The following ZNF740 variants were observed in gnomAD, a reference collection of about 807,000 sequenced individuals.
The protein encoded by ZNF740 is oriLyt TD-element-binding protein 7.
A neutral mutation model predicts 24.8 loss-of-function variants in ZNF740; 14 were observed. The observed-to-expected ratio is 0.56, with a 90% confidence interval of 0.37 to 0.88. ZNF740 has a LOEUF of 0.88. Among genes scored for constraint, ZNF740 ranks in the 40% least tolerant of loss-of-function variants. ZNF740 has a pLI of 0.00. For missense variants in ZNF740, 201 were observed against 247.9 expected (o/e 0.81, Z 1.27); for synonymous variants, 69 against 84.0 (o/e 0.82, Z 0.98).
chr12:53,183,062 C>T (rs1941724305), intron 2 of ZNF740, among the ~76,000 whole-genome samples: 1 of 152,194 alleles, frequency 6.6e-6, no homozygotes, highest in African/African-American at 2.4e-5. Context: ...ATTGGCTTTC[C>T]TCCAGCTGCT....
Position 53,188,472 on chromosome 12 carries a change from G to A in ZNF740, c.*882G>A, listed in dbSNP as rs1480010451. ...TCGCTGCCATTGACTCCTAAAGTGA[G>A]ACAGATGTGTTGAGCAAGGAGTCAT... On this transcript the variant is annotated 3_prime_UTR_variant, in exon 7 of 7. Coordinates refer to ENST00000416904, the MANE Select transcript of ZNF740 (RefSeq NM_001004304.4). The A allele has an allele frequency of 6.5e-6, 1 of 152,672 alleles. No homozygotes were observed. The highest frequency in any genetic ancestry group is 1.9e-4 in the East Asian group (1 of 5,200). The allele number at this position is 152,672 out of a possible 1,614,324, so 9.5% of individuals were successfully genotyped here.
intron 3 of ZNF740, 47 bp downstream of exon 3, chr12:53,185,087 A>G: frequency 1.2e-6 from 2 of 1,609,040 alleles, no homozygotes; most frequent in African/African-American, 1.3e-5. Context: ...GGGTGGCCCA[A>G]GCTCTCTGCC....
In ZNF740 at chr12:53,194,520, A is replaced by T. The variant is rs551678398; in HGVS notation, c.*6930A>T. The stretch of plus-strand genomic sequence containing the variant: ...GAGGGAGGACCCGTGAGAACCTTGC[A>T]TAGAACATACAGGATCCAGAGGCCT... On this transcript the variant is annotated 3_prime_UTR_variant, in exon 7 of 7. Coordinates refer to ENST00000416904, the MANE Select transcript of ZNF740 (RefSeq NM_001004304.4). The T allele has an allele frequency of 6.6e-6, 4 of 606,996 alleles. No homozygotes were observed. Among genetic ancestry groups the T allele is most frequent in the South Asian group, 5.8e-5 (3 of 51,848 alleles). The allele number at this position is 606,996 out of a possible 1,614,324, so 37.6% of individuals were successfully genotyped here. A position where few individuals can be genotyped will look rare whatever the true frequency, so the allele number is the denominator to read the frequency against.
rs1942072940 is a variant in ZNF740 at position 53,194,131 on chromosome 12, C to T, written c.*6541C>T. 9.4e-6 allele frequency: 15 copies of T among 1,603,578 alleles called. No individual in the cohort carries two copies. Among genetic ancestry groups the T allele is most frequent in the Non-Finnish European group, 1.3e-5 (15 of 1,172,528 alleles). ...CCCTGTACCTGCCACCCATCTTTTCCTGCCTGCTTAATTTCCCACTCCCAC... is the reference window on the plus strand; with the variant it reads ...CCCTGTACCTGCCACCCATCTTTTCTTGCCTGCTTAATTTCCCACTCCCAC... On this transcript the variant is annotated 3_prime_UTR_variant, in exon 7 of 7. Coordinates refer to ENST00000416904, the MANE Select transcript of ZNF740 (RefSeq NM_001004304.4).
chr12:53,191,710 G>A lies in ZNF740; in HGVS notation c.*4120G>A, dbSNP rs1196429735. 11 of 1,531,750 alleles carry A rather than the reference G, an allele frequency of 7.2e-6. No individual in the cohort carries two copies. The highest frequency in any genetic ancestry group is 1.4e-5 in the African/African-American group (1 of 73,294). 94.9% of individuals were successfully genotyped at this position (1,531,750 alleles called of 1,614,324 possible). Reference sequence around the variant, plus strand: ...TCCCCTTTCTAGACCTAAGAGGCCAGCCTTGAGCCGAATCCTAGGAGCTGA... The same window carrying A: ...TCCCCTTTCTAGACCTAAGAGGCCAACCTTGAGCCGAATCCTAGGAGCTGA... On this transcript the variant is annotated 3_prime_UTR_variant, in exon 7 of 7. Transcript: ENST00000416904.
intron 2 of ZNF740, among the ~76,000 whole-genome samples, chr12:53,182,989 C>G (rs1941721231): frequency 6.6e-6 from 1 of 152,154 alleles, no homozygotes; most frequent in African/African-American, 2.4e-5. Flanking sequence ...AGAGCTTCTC[C>G]CAGCTTGCTT....
At position 53,192,259 on chromosome 12, in the gene ZNF740, C is replaced by G; in HGVS notation, c.*4669C>G. 6.8e-7 allele frequency: 1 copy of G among 1,480,180 alleles called. No homozygotes were observed. Among genetic ancestry groups the G allele is most frequent in the Non-Finnish European group, 9.4e-7 (1 of 1,064,792 alleles). 91.7% of individuals were successfully genotyped at this position (1,480,180 alleles called of 1,614,324 possible). A position where few individuals can be genotyped will look rare whatever the true frequency, so the allele number is the denominator to read the frequency against. On this transcript the variant is annotated 3_prime_UTR_variant, in exon 7 of 7. Transcript: ENST00000416904. ...CCCCCAGCCTGTTTCCCATTATCTT[C>G]ACTCTGCATCCCCAGAGTTGAGACC...
At position 53,193,059 on chromosome 12, in the gene ZNF740, T is replaced by A; in HGVS notation, c.*5469T>A. The stretch of plus-strand genomic sequence containing the variant: ...CACCGGAATCTTTTGATATTTGCCT[T>A]CCATGCCAGGAGATTCCCAGAGCCT... On this transcript the variant is annotated 3_prime_UTR_variant, in exon 7 of 7. Transcript: ENST00000416904. 1.4e-6 allele frequency: 2 copies of A among 1,423,316 alleles called. No individual in the cohort carries two copies. The highest frequency in any genetic ancestry group is 1.9e-6 in the Non-Finnish European group (2 of 1,030,096). The allele number at this position is 1,423,316 out of a possible 1,614,324, so 88.2% of individuals were successfully genotyped here.
At position 53,189,113 on chromosome 12, in the gene ZNF740, T is replaced by G. The variant is rs1322335439; in HGVS notation, c.*1523T>G. 7.0e-6 allele frequency: 1 copy of G among 143,856 alleles called. No homozygotes were observed. The highest frequency in any genetic ancestry group is 1.5e-5 in the Non-Finnish European group (1 of 65,286). 8.9% of individuals were successfully genotyped at this position (143,856 alleles called of 1,614,324 possible). A position where few individuals can be genotyped will look rare whatever the true frequency, so the allele number is the denominator to read the frequency against. Reference sequence around the variant, plus strand: ...ACAGAAGGGCTTTTGTTTTGGAGGGTTTTTTTTTTTAAGATGAATTCAACA... The same window carrying G: ...ACAGAAGGGCTTTTGTTTTGGAGGGGTTTTTTTTTTAAGATGAATTCAACA... On this transcript the variant is annotated 3_prime_UTR_variant, in exon 7 of 7. Transcript: ENST00000416904.
chr12:53,185,049 C>T lies in ZNF740; in HGVS notation c.159+9C>T, dbSNP rs370175644. The T allele has an allele frequency of 1.1e-5, 18 of 1,613,280 alleles. No individual in the cohort carries two copies. The Admixed American group carries it at 2.5e-4, about 22-fold the overall frequency. On this transcript the variant is annotated intron_variant, in intron 3 of 6. Coordinates refer to ENST00000416904, the MANE Select transcript of ZNF740 (RefSeq NM_001004304.4). ...TGAGGTGCTCGAGTCAGGTACAGCG[C>T]TTGAGTCCATTGTGGCACCTGGGGA...
chr12:53,189,842 A>G lies in ZNF740; in HGVS notation c.*2252A>G, dbSNP rs909731244. ...AAATATTTAGAAAACTATCCTCCCA[A>G]AAATGCTTTTGAAAATGAGAGCCCT... On this transcript the variant is annotated 3_prime_UTR_variant, in exon 7 of 7. Coordinates refer to ENST00000416904, the MANE Select transcript of ZNF740 (RefSeq NM_001004304.4). 6.6e-6 allele frequency: 1 copy of G among 152,178 alleles called. No homozygotes were observed. Among genetic ancestry groups the G allele is most frequent in the Admixed American group, 6.6e-5 (1 of 15,266 alleles). 9.4% of individuals were successfully genotyped at this position (152,178 alleles called of 1,614,324 possible).
rs563029908 is a variant in ZNF740, at chr12:53,195,088, A to G, written c.*7498A>G. 3.9e-5 allele frequency: 17 copies of G among 439,938 alleles called. No individual in the cohort carries two copies. In the South Asian group the frequency reaches 4.6e-4, roughly 12 times the overall value. The allele number at this position is 439,938 out of a possible 1,614,324, so 27.3% of individuals were successfully genotyped here. ...AGGGTTAAATGAAGTAGCAAACAGT[A>G]TGTACACCTAGGATGGTGGGCGCAT... On this transcript the variant is annotated 3_prime_UTR_variant, in exon 7 of 7. Transcript: ENST00000416904.
At chr12:53,180,868 G>A (rs1032383907) in intron 1 of ZNF740, 31 bp downstream of exon 1, 38 of 1,245,674 alleles carry the variant, frequency 3.1e-5, no homozygotes, top group Middle Eastern at 2.7e-4. Flanking sequence ...CCGCAGCGTC[G>A]TCCGTACAGA....
Position 53,192,952 on chromosome 12 carries a change from C to T in ZNF740, c.*5362C>T, listed in dbSNP as rs1199456933. ...CAGAGGGTGACAACCATACTCCACA[C>T]ACACAGTTGGCCATCATGTGGCACG... On this transcript the variant is annotated 3_prime_UTR_variant, in exon 7 of 7. Transcript: ENST00000416904. The T allele has an allele frequency of 6.3e-7, 1 of 1,585,238 alleles. No individual in the cohort carries two copies. Among genetic ancestry groups the T allele is most frequent in the Non-Finnish European group, 8.7e-7 (1 of 1,155,988 alleles).
chr12:53,190,008 C>G lies in ZNF740; in HGVS notation c.*2418C>G. On this transcript the variant is annotated 3_prime_UTR_variant, in exon 7 of 7. Transcript: ENST00000416904. Reference sequence around the variant, plus strand: ...AGAAGGTGCCCTGGGTTCCCACAGACCTTGGTTTCCTGCCTGGGTGGGTGG... The same window carrying G: ...AGAAGGTGCCCTGGGTTCCCACAGAGCTTGGTTTCCTGCCTGGGTGGGTGG... 7.7e-6 allele frequency: 1 copy of G among 129,550 alleles called. No individual in the cohort carries two copies. The highest frequency in any genetic ancestry group is 1.6e-5 in the Non-Finnish European group (1 of 62,244). The allele number at this position is 129,550 out of a possible 1,614,324, so 8.0% of individuals were successfully genotyped here. A position where few individuals can be genotyped will look rare whatever the true frequency, so the allele number is the denominator to read the frequency against.
chr12:53,191,775 TG>T lies in ZNF740; in HGVS notation c.*4190del, dbSNP rs774071083. ...GGGGTTGGTTACATGTGCCAGGGGC[TG>T]GGGGAACCCAGTGGGAGGAATCAGG... On this transcript the variant is annotated 3_prime_UTR_variant, in exon 7 of 7. Coordinates refer to ENST00000416904, the MANE Select transcript of ZNF740 (RefSeq NM_001004304.4). 1.9e-6 allele frequency: 3 copies of T among 1,583,584 alleles called. No homozygotes were observed. The highest frequency in any genetic ancestry group is 2.6e-6 in the Non-Finnish European group (3 of 1,153,980).
intron 4 of ZNF740, 78 bp from the exon 5 acceptor site, chr12:53,185,876 A>G (rs966263010): frequency 2.6e-6 from 4 of 1,554,800 alleles, no homozygotes; most frequent in African/African-American, 1.4e-5. Context: ...CAACAGCTGG[A>G]AGTGGACCCA....
At chr12:53,182,863 G>T (rs1244770265) in intron 2 of ZNF740, among the ~76,000 whole-genome samples, 1 of 152,206 alleles carries the variant, frequency 6.6e-6, no homozygotes, top group Non-Finnish European at 1.5e-5. Flanking sequence ...AGTAGCATCA[G>T]ATCAGTGTTA....
rs2120363795 is a variant in ZNF740, at chr12:53,188,254, G to A, written c.*664G>A. ...AGCAGACAAGGGCTGGATCCAAAAAGTGGATGGCACCTCTTCCTTCCTCAA... is the reference window on the plus strand; with the variant it reads ...AGCAGACAAGGGCTGGATCCAAAAAATGGATGGCACCTCTTCCTTCCTCAA... On this transcript the variant is annotated 3_prime_UTR_variant, in exon 7 of 7. Coordinates refer to ENST00000416904, the MANE Select transcript of ZNF740 (RefSeq NM_001004304.4). 1 of 152,960 alleles carries A rather than the reference G, an allele frequency of 6.5e-6. No homozygotes were observed. The highest frequency in any genetic ancestry group is 2.1e-4 in the South Asian group (1 of 4,832). 9.5% of individuals were successfully genotyped at this position (152,960 alleles called of 1,614,324 possible).
Sources: allele counts gnomAD v4.1 joint callset (sites outside exome capture counted in the v4.1 genomes callset), GRCh38; gene constraint gnomAD v4.1.1; transcripts MANE v1.5; gene names NCBI Gene and HGNC (gene_info 2026-07-23, HGNC 2026-07-21).